FAM9B: variants seen among roughly 807,000 people sequenced by gnomAD.
FAM9B encodes family with sequence similarity 9 member B, also known as protein FAM9B.
Under a neutral mutation model 16.6 loss-of-function variants are expected in FAM9B, and 18 were observed. The observed-to-expected ratio is 1.09, with a 90% CI of 0.75 to 1.61. The LOEUF (loss-of-function observed/expected upper bound fraction) is 1.61. Among genes scored for constraint, FAM9B ranks in the 40% most tolerant of loss-of-function variants. The probability of loss-of-function intolerance (pLI) is 0.00; values close to 1 mark genes in which losing one functional copy is unlikely to be tolerated. For synonymous variants in FAM9B, 43 were observed against 42.6 expected, an observed-to-expected ratio of 1.01 and a Z score of -0.03; for missense variants, 155 against 136.0, an observed-to-expected ratio of 1.14 and a Z score of -0.70.
chrX:9,029,217 T>G lies in FAM9B; in HGVS notation c.393+90A>C, dbSNP rs761629134. On this transcript the variant is annotated intron_variant, in intron 6 of 8. Coordinates refer to ENST00000327220, the MANE Select transcript of FAM9B (RefSeq NM_205849.3). ...GGCCCCCCTCTCTGGGCTCATGCGCTCTTCCTTCTTTGCTGGATTTCTGCA... is the reference window on the plus strand; with the variant it reads ...GGCCCCCCTCTCTGGGCTCATGCGCGCTTCCTTCTTTGCTGGATTTCTGCA... 261 of 780,255 alleles carry G rather than the reference T, an allele frequency of 3.3e-4. 1 individual carries two copies. In the South Asian group the frequency reaches 6.1e-3, roughly 18 times the overall value. The allele number at this position is 780,255 out of a possible 1,213,427, so 64.3% of individuals were successfully genotyped here.
At chrX:9,033,438 G>C in intron 1 of FAM9B, 1 of 843,998 alleles carries the variant, frequency 1.2e-6, no homozygotes, top group African/African-American at 2.0e-5. Flanking sequence ...AATGTCAGGG[G>C]CTGCACTGCC....
rs1921176415 is a variant in FAM9B at position 9,033,981 on chromosome X, A to G, written c.-219T>C. The G allele has an allele frequency of 6.3e-6, 4 of 637,041 alleles. No homozygotes were observed. The highest frequency in any genetic ancestry group is 2.4e-5 in the African/African-American group (1 of 40,874). 52.5% of individuals were successfully genotyped at this position (637,041 alleles called of 1,213,427 possible). A position where few individuals can be genotyped will look rare whatever the true frequency, so the allele number is the denominator to read the frequency against. On this transcript the variant is annotated 5_prime_UTR_variant, in exon 1 of 9. Coordinates refer to ENST00000327220, the MANE Select transcript of FAM9B (RefSeq NM_205849.3). ...CTTGAACCCAGGAGGCGGAGGTTGC[A>G]GTGAGCCCAGATCACACCACTGCAC... is the stretch of plus-strand genomic sequence containing the variant.
At chrX:9,031,715 C>T in intron 4 of FAM9B, 1 of 121,767 alleles carries the variant, frequency 8.2e-6, no homozygotes, top group Non-Finnish European at 1.7e-5. Context: ...TACCAAAACC[C>T]TGTGACATGC....
chrX:9,032,552 T>C, intron 2 of FAM9B, 91 bp from the exon 3 acceptor site: 1 of 313,759 alleles, frequency 3.2e-6, no homozygotes, highest in Non-Finnish European at 5.5e-6. Context: ...GTAGACTTTT[T>C]TGGGGGGGGG....
At chrX:9,025,409 T>C in intron 8 of FAM9B, 32 bp from the exon 9 acceptor site, 1 of 739,283 alleles carries the variant, frequency 1.4e-6, no homozygotes, top group Non-Finnish European at 1.9e-6. Flanking sequence ...GTAACTGTAA[T>C]ACACATTTCT....
Position 9,024,465 on chromosome X carries a change from C to T in FAM9B, c.*944G>A, listed in dbSNP as rs1264850852. 8.9e-6 allele frequency: 1 copy of T among 111,877 alleles called. No individual in the cohort carries two copies. Among genetic ancestry groups the T allele is most frequent in the Non-Finnish European group, 1.9e-5 (1 of 53,200 alleles). 9.2% of individuals were successfully genotyped at this position (111,877 alleles called of 1,213,427 possible). ...TCTGTGGAAATGACATACCCACAAA[C>T]CAGTGGCTCAGCACTGATATTAATA... On this transcript the variant is annotated 3_prime_UTR_variant, in exon 9 of 9. Transcript: ENST00000327220.
rs772558643 is a variant in FAM9B, at chrX:9,032,297, TA to T, written c.149+43del. 1.2e-5 allele frequency: 14 copies of T among 1,206,894 alleles called. No homozygotes were observed. The East Asian group carries it at 4.2e-4, about 36-fold the overall frequency. On this transcript the variant is annotated intron_variant, in intron 3 of 8. Coordinates refer to ENST00000327220, the MANE Select transcript of FAM9B (RefSeq NM_205849.3). ...GACATGGTCCAAAGCTGACTTTTCC[TA>T]AAAGACCCTATCCGACAGGCAAAAG...
At chrX:9,030,522 A>T in intron 4 of FAM9B, 162 bp from the exon 5 acceptor site, 1 of 373,143 alleles carries the variant, frequency 2.7e-6, no homozygotes, top group Non-Finnish European at 4.4e-6. Flanking sequence ...AGCAAGATTT[A>T]CTCACTTATT....
At chrX:9,027,145 C>T (rs1920974888) in intron 7 of FAM9B, among the ~76,000 whole-genome samples, 5 of 111,996 alleles carry the variant, frequency 4.5e-5, no homozygotes, top group Admixed American at 3.8e-4. Context: ...CAATTCACAA[C>T]GTGTTAATAA....
intron 7 of FAM9B, among the ~76,000 whole-genome samples, chrX:9,026,519 G>A (rs1017097266): frequency 4.5e-5 from 5 of 111,193 alleles, no homozygotes; most frequent in African/African-American, 1.6e-4. Flanking sequence ...GAAGGGAAGG[G>A]TTTTAGAAAG....
In FAM9B at chrX:9,024,324, C is replaced by A. The variant is rs1269444001; in HGVS notation, c.*1085G>T. Reference sequence around the variant, plus strand: ...AAAGCACTCTACAAAATTTACCTTGCCACAGATGTGAAATAATTGTAAGCA... The same window carrying A: ...AAAGCACTCTACAAAATTTACCTTGACACAGATGTGAAATAATTGTAAGCA... On this transcript the variant is annotated 3_prime_UTR_variant, in exon 9 of 9. Transcript: ENST00000327220. 1 of 111,479 alleles carries A rather than the reference C, an allele frequency of 9.0e-6. No individual in the cohort carries two copies. Among genetic ancestry groups the A allele is most frequent in the Non-Finnish European group, 1.9e-5 (1 of 53,145 alleles). The allele number at this position is 111,479 out of a possible 1,213,427, so 9.2% of individuals were successfully genotyped here.
At position 9,032,558 on chromosome X, in the gene FAM9B, G is replaced by C. The variant is rs746725564; in HGVS notation, c.29-97C>G. ...GTACTAGTTGTAGACTTTTTTGGGG[G>C]GGGGGGGCTCTCTGCCAATTAAAGC... On this transcript the variant is annotated intron_variant, in intron 2 of 8. Coordinates refer to ENST00000327220, the MANE Select transcript of FAM9B (RefSeq NM_205849.3). 2.0e-4 allele frequency: 116 copies of C among 579,393 alleles called. 8 individuals are homozygous for C. The highest frequency in any genetic ancestry group is 3.8e-4 in the Middle Eastern group (1 of 2,619). 47.7% of individuals were successfully genotyped at this position (579,393 alleles called of 1,213,427 possible). A position where few individuals can be genotyped will look rare whatever the true frequency, so the allele number is the denominator to read the frequency against.
rs899850785 is a variant in FAM9B at position 9,029,882 on chromosome X, A to G, written c.281+379T>C. ...TGAAAACAATTTAACTAAAATAGATAACTTATTTACAACATAAGGTTATCC... is the reference window on the plus strand; with the variant it reads ...TGAAAACAATTTAACTAAAATAGATGACTTATTTACAACATAAGGTTATCC... On this transcript the variant is annotated intron_variant, in intron 5 of 8. Coordinates refer to ENST00000327220, the MANE Select transcript of FAM9B (RefSeq NM_205849.3). Among the ~76,000 whole-genome samples the G allele has an allele frequency of 6.2e-5, 7 of 112,432 alleles. 1 individual carries two copies. Among genetic ancestry groups the G allele is most frequent in the Non-Finnish European group, 1.3e-4 (7 of 53,217 alleles).
At position 9,025,570 on chromosome X, in the gene FAM9B, A is replaced by T. The variant is rs1569137615; in HGVS notation, c.506T>A (p.Phe169Tyr). The change falls in exon 8 of 9, where the codon TTT (phenylalanine) becomes TAT (tyrosine). Residue 169 changes from phenylalanine (F) to tyrosine (Y), a missense_variant. By Grantham distance (22) the Phe-to-Tyr change is conservative (BLOSUM62 3). Coordinates refer to ENST00000327220, the MANE Select transcript of FAM9B (RefSeq NM_205849.3). ...RDQFVKALED[F>Y]EDLCDRVFSD... is the part of the protein sequence containing the mutation. Reference sequence around the variant, plus strand: ...AAAAACTCTGTCACAAAGGTCTTCAAAGTCCTCAAGAGCCTAAAAGAAAAA... The same window carrying T: ...AAAAACTCTGTCACAAAGGTCTTCATAGTCCTCAAGAGCCTAAAAGAAAAA... 11 of 1,204,368 alleles carry T rather than the reference A, an allele frequency of 9.1e-6. No homozygotes were observed. In the Admixed American group the frequency reaches 2.4e-4, roughly 27 times the overall value.
At chrX:9,032,558 G>T (rs746725564) in intron 2 of FAM9B, 97 bp from the exon 3 acceptor site, 47 of 579,385 alleles carry the variant, frequency 8.1e-5, no homozygotes, top group Middle Eastern at 3.8e-4. Flanking sequence ...TTTTTTGGGG[G>T]GGGGGGGCTC....
chrX:9,032,496 A>G (rs770845783), intron 2 of FAM9B, 35 bp from the exon 3 acceptor site: 14 of 1,064,128 alleles, frequency 1.3e-5, no homozygotes, highest in Non-Finnish European at 1.6e-5. Context: ...CCTTTTTTAG[A>G]GGAAGATGCT....
Position 9,033,024 on chromosome X carries a change from C to A in FAM9B, c.-38G>T, listed in dbSNP as rs750679970. The stretch of plus-strand genomic sequence containing the variant: ...CAACTGGGCCTTGGCAGCCCTCCTG[C>A]CCACAGGATCCGTGGCTGGTTGTCC... On this transcript the variant is annotated 5_prime_UTR_variant, in exon 2 of 9. Coordinates refer to ENST00000327220, the MANE Select transcript of FAM9B (RefSeq NM_205849.3). 13 of 1,211,927 alleles carry A rather than the reference C, an allele frequency of 1.1e-5. No individual in the cohort carries two copies. The East Asian group carries it at 3.3e-4, about 30-fold the overall frequency.
chrX:9,033,464 C>T, intron 1 of FAM9B: 1 of 655,172 alleles, frequency 1.5e-6, no homozygotes, highest in Non-Finnish European at 1.8e-6. Context: ...CCCCCCTGGA[C>T]GCACAGGGGA....
At chrX:9,030,058 A>C (rs1445700649) in intron 5 of FAM9B, 2 of 721,210 alleles carry the variant, frequency 2.8e-6, no homozygotes, top group African/African-American at 4.4e-5. Flanking sequence ...GGTCATCTTC[A>C]TTGGCTTCTA....
Sources: allele counts gnomAD v4.1 joint callset (sites outside exome capture counted in the v4.1 genomes callset), GRCh38; gene constraint gnomAD v4.1.1; transcripts MANE v1.5; gene names NCBI Gene and HGNC (gene_info 2026-07-23, HGNC 2026-07-21).